TNFRSF21: variants seen among roughly 807,000 people sequenced by gnomAD.
TNFRSF21 encodes the protein TNF receptor superfamily member 21, also known as tumor necrosis factor receptor superfamily member 21.
A neutral mutation model predicts 45.6 loss-of-function variants in TNFRSF21; 19 were observed. That is an observed-to-expected ratio of 0.42 (90% CI 0.29 to 0.61). The LOEUF (loss-of-function observed/expected upper bound fraction) is 0.61, where lower values mean the gene tolerates loss of function less well. Ranked by LOEUF, TNFRSF21 falls within the 20% of genes least tolerant of loss-of-function variation. The probability of loss-of-function intolerance (pLI) is 0.23; values close to 1 mark genes in which losing one functional copy is unlikely to be tolerated. For synonymous variants in TNFRSF21, 314 were observed against 335.5 expected (o/e 0.94, Z 0.70); for missense variants, 737 against 851.5 (o/e 0.87, Z 1.67).
At chr6:47,281,767 G>T (rs1762570876) in intron 3 of TNFRSF21, among the ~76,000 whole-genome samples, 1 of 152,142 alleles carries the variant, frequency 6.6e-6, no homozygotes, top group South Asian at 2.1e-4. Flanking sequence ...GCACAGGTAT[G>T]TAGGTATTCT....
At chr6:47,259,786 G>C (rs1409179603) in intron 3 of TNFRSF21, among the ~76,000 whole-genome samples, 1 of 152,166 alleles carries the variant, frequency 6.6e-6, no homozygotes, top group African/African-American at 2.4e-5. Flanking sequence ...GTACTAGTTA[G>C]GAACTATCTG....
At chr6:47,275,544 AC>A (rs1467455761) in intron 3 of TNFRSF21, among the ~76,000 whole-genome samples, 1 of 152,156 alleles carries the variant, frequency 6.6e-6, no homozygotes, top group African/African-American at 2.4e-5. Flanking sequence ...TAGCAGAAAT[AC>A]CTAATGTAAA....
intron 1 of TNFRSF21, among the ~76,000 whole-genome samples, chr6:47,308,390 T>C (rs922398679): frequency 6.6e-6 from 1 of 152,162 alleles, no homozygotes; most frequent in Non-Finnish European, 1.5e-5. Context: ...GGTTTTTTTG[T>C]TCGGTTTTTA....
chr6:47,277,674 T>C lies in TNFRSF21; in HGVS notation c.1243+6264A>G, dbSNP rs76266369. ...GGGAAACCAGACTCCAGAGTCTTTG[T>C]TCCTAACTGCATATTCTAATGCATT... is the stretch of plus-strand genomic sequence containing the variant. On this transcript the variant is annotated intron_variant, in intron 3 of 5. Coordinates refer to ENST00000296861, the MANE Select transcript of TNFRSF21 (RefSeq NM_014452.5). Among the ~76,000 whole-genome samples, 848 of 152,316 alleles carry C rather than the reference T, an allele frequency of 5.6e-3. 7 individuals are homozygous for C. The highest frequency in any genetic ancestry group is 0.019 in the African/African-American group (773 of 41,556).
chr6:47,246,304 CA>C (rs1764824539), intron 4 of TNFRSF21, among the ~76,000 whole-genome samples: 2 of 152,196 alleles, frequency 1.3e-5, no homozygotes, highest in African/African-American at 4.8e-5. Flanking sequence ...ATGTAGAATT[CA>C]AATTCCAACA....
At chr6:47,235,269 A>G (rs1370221234) in intron 4 of TNFRSF21, among the ~76,000 whole-genome samples, 1 of 152,216 alleles carries the variant, frequency 6.6e-6, no homozygotes, top group Non-Finnish European at 1.5e-5. Context: ...TGCCACCTCC[A>G]TGTTGAAGCC....
At chr6:47,305,846 C>T (rs9463323) in intron 1 of TNFRSF21, among the ~76,000 whole-genome samples, 7,255 of 152,216 alleles carry the variant, frequency 0.048, 571 homozygotes, top group African/African-American at 0.17. Flanking sequence ...CAAAATCCTA[C>T]CTATGCAGTT....
At chr6:47,268,339 C>A (rs1762363782) in intron 3 of TNFRSF21, among the ~76,000 whole-genome samples, 1 of 152,196 alleles carries the variant, frequency 6.6e-6, no homozygotes, top group African/African-American at 2.4e-5. Flanking sequence ...AGTATTACTT[C>A]TCTCCCTTCC....
chr6:47,242,786 A>C (rs1764765254), intron 4 of TNFRSF21, among the ~76,000 whole-genome samples: 1 of 152,216 alleles, frequency 6.6e-6, no homozygotes, highest in Admixed American at 6.5e-5. Flanking sequence ...CTTGGTTCAG[A>C]GCTGGAGCCC....
At position 47,286,368 on chromosome 6, in the gene TNFRSF21, G is replaced by A. The variant is rs1335027813; in HGVS notation, c.324C>T (p.Asp108=). 1.9e-6 allele frequency: 3 copies of A among 1,614,110 alleles called. No homozygotes were observed. Among genetic ancestry groups the A allele is most frequent in the Middle Eastern group, 1.6e-4 (1 of 6,084 alleles). Residue 108 remains aspartate, a synonymous_variant, in exon 2 of 6, where the codon GAC becomes GAT. Coordinates refer to ENST00000296861, the MANE Select transcript of TNFRSF21 (RefSeq NM_014452.5). ...RHENGIEKCH[D]CSQPCPWPMI... is the part of the protein sequence containing the mutation. ...TTGGCCATGGGCATGGCTGACTACAGTCATGGCATTTCTCTATGCCATTCT... is the reference window on the plus strand; with the variant it reads ...TTGGCCATGGGCATGGCTGACTACAATCATGGCATTTCTCTATGCCATTCT...
intron 4 of TNFRSF21, among the ~76,000 whole-genome samples, chr6:47,239,509 A>T (rs1041699613): frequency 6.6e-6 from 1 of 152,162 alleles, no homozygotes; most frequent in Non-Finnish European, 1.5e-5. Flanking sequence ...TAAATGAAAT[A>T]AGATTTCGAG....
intron 3 of TNFRSF21, among the ~76,000 whole-genome samples, chr6:47,259,939 C>G (rs544178147): frequency 6.6e-6 from 1 of 152,296 alleles, no homozygotes; most frequent in South Asian, 2.1e-4. Flanking sequence ...CAAGTGGCAA[C>G]CTCTCAGATT....
At position 47,258,915 on chromosome 6, in the gene TNFRSF21, A is replaced by C. The variant is rs187102386; in HGVS notation, c.1244-5394T>G. On this transcript the variant is annotated intron_variant, in intron 3 of 5. Transcript: ENST00000296861. Reference sequence around the variant, plus strand: ...GCATGAAAGCAGCCACCAACACCACAAATGAATGTGGCTGTGTTCTAATAA... The same window carrying C: ...GCATGAAAGCAGCCACCAACACCACCAATGAATGTGGCTGTGTTCTAATAA... Among the ~76,000 whole-genome samples the C allele has an allele frequency of 1.8e-3, 279 of 152,318 alleles. 5 individuals are homozygous for C. The highest frequency in any genetic ancestry group is 0.016 in the Admixed American group (252 of 15,304).
At chr6:47,244,232 G>A (rs957580487) in intron 4 of TNFRSF21, among the ~76,000 whole-genome samples, 1 of 149,496 alleles carries the variant, frequency 6.7e-6, no homozygotes, top group Admixed American at 7.0e-5. Context: ...GCAGAGGCAG[G>A]AGAATGGCGT....
At chr6:47,239,218 G>A (rs893867854) in intron 4 of TNFRSF21, among the ~76,000 whole-genome samples, 2 of 150,664 alleles carry the variant, frequency 1.3e-5, no homozygotes, top group Non-Finnish European at 3.0e-5. Flanking sequence ...CTGGGGAGGC[G>A]GAGGTTGCAG....
chr6:47,273,455 T>C (rs1488306736), intron 3 of TNFRSF21, among the ~76,000 whole-genome samples: 1 of 152,128 alleles, frequency 6.6e-6, no homozygotes, highest in Non-Finnish European at 1.5e-5. Flanking sequence ...TCGACAAAAT[T>C]CAACAGCGCT....
chr6:47,240,511 C>T (rs1484153286), intron 4 of TNFRSF21, among the ~76,000 whole-genome samples: 1 of 152,178 alleles, frequency 6.6e-6, no homozygotes, highest in African/African-American at 2.4e-5. Context: ...TAATAACTTG[C>T]CCCAAGCCAT....
chr6:47,281,751 A>G (rs1358387679), intron 3 of TNFRSF21, among the ~76,000 whole-genome samples: 1 of 152,194 alleles, frequency 6.6e-6, no homozygotes, highest in Non-Finnish European at 1.5e-5. Context: ...TAATAGATAA[A>G]TGTGGGCACA....
At chr6:47,254,915 A>C (rs1386112747) in intron 3 of TNFRSF21, among the ~76,000 whole-genome samples, 1 of 152,224 alleles carries the variant, frequency 6.6e-6, no homozygotes, top group Non-Finnish European at 1.5e-5. Flanking sequence ...AAGTTAGGCT[A>C]CTGGCCCAGT....
Sources: gnomAD v4.1 joint callset for allele counts (sites outside exome capture counted in the v4.1 genomes callset) on GRCh38, gnomAD v4.1.1 for gene constraint, MANE v1.5 for transcripts, NCBI Gene and HGNC (gene_info 2026-07-23, HGNC 2026-07-21) for gene names.